AUTS2: variants seen among roughly 807,000 people sequenced by gnomAD.
AUTS2 encodes activator of transcription and developmental regulator AUTS2, also known as autism susceptibility gene 2 protein.
Under a neutral mutation model 112.4 loss-of-function variants are expected in AUTS2, and 17 were observed. The ratio of observed to expected loss-of-function variants is 0.15; its 90% CI spans 0.10 to 0.23. AUTS2 has a LOEUF of 0.23. Among genes scored for constraint, AUTS2 ranks in the 10% least tolerant of loss-of-function variants. The pLI, the probability that AUTS2 is intolerant of heterozygous loss-of-function variation, is 1.00. For synonymous variants in AUTS2, 751 were observed against 702.7 expected, an observed-to-expected ratio of 1.07 and a Z score of -1.09; for missense variants, 1,510 against 1,701.6, an observed-to-expected ratio of 0.89 and a Z score of 1.98.
chr7:69,882,565 C>G (rs999575196), intron 1 of AUTS2, among the ~76,000 whole-genome samples: 1 of 152,026 alleles, frequency 6.6e-6, no homozygotes, highest in Admixed American at 6.6e-5. Context: ...CTTTTCATAG[C>G]TATGTGACCT....
chr7:69,918,955 G>T (rs374837903), intron 2 of AUTS2, among the ~76,000 whole-genome samples: 21 of 152,192 alleles, frequency 1.4e-4, no homozygotes, highest in African/African-American at 5.1e-4. Flanking sequence ...TTATATTCCT[G>T]TCCATTTCCA....
chr7:70,562,394 G>A (rs919632775), intron 5 of AUTS2, among the ~76,000 whole-genome samples: 14 of 152,204 alleles, frequency 9.2e-5, no homozygotes, highest in African/African-American at 2.9e-4. Context: ...AACTAACAAT[G>A]TCTGCTACAG....
At chr7:69,682,585 A>G (rs1435299784) in intron 1 of AUTS2, among the ~76,000 whole-genome samples, 1 of 152,146 alleles carries the variant, frequency 6.6e-6, no homozygotes, top group Non-Finnish European at 1.5e-5. Context: ...AAGGCTTAAT[A>G]TTTGTCTCTT....
chr7:70,639,707 G>A (rs973719514), intron 5 of AUTS2, among the ~76,000 whole-genome samples: 9 of 145,596 alleles, frequency 6.2e-5, no homozygotes, highest in African/African-American at 2.1e-4. Flanking sequence ...CCTTAAGCAC[G>A]CCCTTACATT....
chr7:70,706,669 A>C (rs1185847769), intron 6 of AUTS2, among the ~76,000 whole-genome samples: 11 of 152,218 alleles, frequency 7.2e-5, no homozygotes, highest in Admixed American at 2.6e-4. Context: ...ATATTAAGTT[A>C]GATCTGATAA....
chr7:70,451,787 A>G (rs529847805), intron 5 of AUTS2, among the ~76,000 whole-genome samples: 21 of 152,320 alleles, frequency 1.4e-4, no homozygotes, highest in Middle Eastern at 3.4e-3. Flanking sequence ...CTTAGTGATG[A>G]TATTTTAACA....
chr7:70,076,275 G>A (rs534216237), intron 2 of AUTS2, among the ~76,000 whole-genome samples: 1 of 152,102 alleles, frequency 6.6e-6, no homozygotes, highest in African/African-American at 2.4e-5. Flanking sequence ...CATGGAAAAG[G>A]CTCAAGTTAA....
At chr7:70,108,923 A>C (rs1426391355) in intron 2 of AUTS2, among the ~76,000 whole-genome samples, 2 of 151,028 alleles carry the variant, frequency 1.3e-5, no homozygotes, top group East Asian at 3.9e-4. Context: ...AAATTGTTCC[A>C]TTTTTGGTCA....
chr7:70,775,502 A>G (rs1319862477), intron 13 of AUTS2, 116 bp downstream of exon 13: 21 of 840,798 alleles, frequency 2.5e-5, no homozygotes, highest in Non-Finnish European at 3.8e-5. Context: ...AGACATTGGA[A>G]TGACGGTGAT....
chr7:70,600,930 A>G (rs1303439066), intron 5 of AUTS2, among the ~76,000 whole-genome samples: 1 of 152,152 alleles, frequency 6.6e-6, no homozygotes, highest in Non-Finnish European at 1.5e-5. Flanking sequence ...TCATCCATTG[A>G]TGGTCATGGG....
chr7:70,735,404 A>G (rs1381093252), intron 6 of AUTS2, among the ~76,000 whole-genome samples: 1 of 152,216 alleles, frequency 6.6e-6, no homozygotes, highest in Non-Finnish European at 1.5e-5. Context: ...GCACGTCCAG[A>G]GGAGAAGAGC....
chr7:70,357,586 T>G (rs1393778847), intron 4 of AUTS2, among the ~76,000 whole-genome samples: 1 of 152,208 alleles, frequency 6.6e-6, no homozygotes, highest in East Asian at 1.9e-4. Context: ...TACACACTCT[T>G]GACCCCTCCC....
In AUTS2 at chr7:70,715,527, C is replaced by CTTTTCT. The variant is rs1235091182; in HGVS notation, c.742+16911_742+16916dup. 1.3e-5 allele frequency among the ~76,000 whole-genome samples: 2 copies of CTTTTCT among 150,124 alleles called. 1 individual carries two copies. The highest frequency in any genetic ancestry group is 5.0e-5 in the African/African-American group (2 of 40,054). ...GTCTTTTTTTCTTTTCTTTTCTTTT[C>CTTTTCT]TTTTCTTTTCTTTTCTTTTTTTTTA... On this transcript the variant is annotated intron_variant, in intron 6 of 18. Transcript: ENST00000342771.
chr7:70,395,169 T>C (rs533211665), intron 4 of AUTS2, among the ~76,000 whole-genome samples: 108 of 151,344 alleles, frequency 7.1e-4, no homozygotes, highest in African/African-American at 2.5e-3. Context: ...TGTTATAGCC[T>C]AAGGTGACAA....
rs561240645 is a variant in AUTS2, at chr7:70,772,349, C to T, written c.1830+705C>T. Among the ~76,000 whole-genome samples the T allele has an allele frequency of 5.9e-5, 9 of 152,312 alleles. No homozygotes were observed. In the South Asian group the frequency reaches 1.0e-3, roughly 18 times the overall value. On this transcript the variant is annotated intron_variant, in intron 11 of 18. Coordinates refer to ENST00000342771, the MANE Select transcript of AUTS2 (RefSeq NM_015570.4). ...CCTAGTCAGTGATAATGCCGTCCAG[C>T]GTTGGCTACAGCTGTCTCTAAAGGT...
chr7:69,709,426 T>C (rs1366888418), intron 1 of AUTS2, among the ~76,000 whole-genome samples: 3 of 152,226 alleles, frequency 2.0e-5, no homozygotes, highest in African/African-American at 7.2e-5. Flanking sequence ...GATGGAGTTC[T>C]GCAGTACAGC....
intron 2 of AUTS2, among the ~76,000 whole-genome samples, chr7:70,068,186 T>A (rs1383503108): frequency 6.6e-6 from 1 of 150,990 alleles, no homozygotes; most frequent in Non-Finnish European, 1.5e-5. Context: ...TTCTTTTTTT[T>A]TTTTTTGAGA....
intron 1 of AUTS2, among the ~76,000 whole-genome samples, chr7:69,782,224 G>A (rs529617868): frequency 1.3e-5 from 2 of 152,224 alleles, no homozygotes; most frequent in East Asian, 1.9e-4. Flanking sequence ...TCAGCTGGGC[G>A]TGGTGGTGTG....
chr7:70,711,155 C>T (rs1304598290), intron 6 of AUTS2, among the ~76,000 whole-genome samples: 1 of 152,224 alleles, frequency 6.6e-6, no homozygotes, highest in Non-Finnish European at 1.5e-5. Context: ...TCGGGTCAGG[C>T]TCATGCCTGA....
Sources: allele counts gnomAD v4.1 joint callset (sites outside exome capture counted in the v4.1 genomes callset), GRCh38; gene constraint gnomAD v4.1.1; transcripts MANE v1.5; gene names NCBI Gene and HGNC (gene_info 2026-07-23, HGNC 2026-07-21).